Variants in NEK1 observed in about 807,000 individuals in gnomAD.
NEK1 encodes the protein serine/threonine-protein kinase Nek1.
A neutral mutation model predicts 182.1 loss-of-function variants in NEK1; 137 were observed. The ratio of observed to expected loss-of-function variants is 0.75; its 90% CI spans 0.65 to 0.87. The LOEUF is 0.87. NEK1 is among the 40% of genes least tolerant of loss of function. NEK1 has a pLI of 0.00. For missense variants in NEK1, 1,391 were observed against 1,494.4 expected (o/e 0.93, Z 1.14); for synonymous variants, 513 against 492.2 (o/e 1.04, Z -0.56).
chr4:169,556,049 G>C lies in NEK1; in HGVS notation c.1313C>G (p.Ser438Cys). The C allele has an allele frequency of 6.2e-7, 1 of 1,613,560 alleles. No individual in the cohort carries two copies. The highest frequency in any genetic ancestry group is 1.3e-5 in the African/African-American group (1 of 75,034). Residue 438 changes from serine to cysteine, a missense_variant, in exon 17 of 36, where the codon TCT becomes TGT. Ser to Cys is a moderately radical substitution (Grantham distance 112, BLOSUM62 -1). This residue lies in a region of NEK1 where 1,216 missense variants were observed against 1,277.6 expected (regional missense o/e 0.95). Transcript: ENST00000507142. ...GTAATGTTCATACTGTCCTCGAGAA[G>C]AAAAAGATGATGGAGCTATAGTCCC... ...SGGTIAPSSF[S>C]SRGQYEHYHA... is the part of the protein sequence containing the mutation.
chr4:169,402,937 T>A (rs1224883508), intron 32 of NEK1, among the ~76,000 whole-genome samples: 1 of 152,138 alleles, frequency 6.6e-6, no homozygotes. Context: ...CTAAAAGAGA[T>A]TATGTACCTA....
At chr4:169,394,991 G>A (rs1730450991) in intron 35 of NEK1, among the ~76,000 whole-genome samples, 1 of 152,118 alleles carries the variant, frequency 6.6e-6, no homozygotes, top group Non-Finnish European at 1.5e-5. Context: ...ACAATAAAAT[G>A]TTAAAGAATA....
At chr4:169,411,286 AT>A (rs869305455) in intron 31 of NEK1, among the ~76,000 whole-genome samples, 6,535 of 138,052 alleles carry the variant, frequency 0.047, 344 homozygotes, top group African/African-American at 0.14. Flanking sequence ...ATCTGACTCT[AT>A]TTTTTTTTTT....
chr4:169,584,569 G>T (rs1767213262), intron 10 of NEK1, among the ~76,000 whole-genome samples: 1 of 152,144 alleles, frequency 6.6e-6, no homozygotes, highest in Non-Finnish European at 1.5e-5. Flanking sequence ...CTATGATCAT[G>T]ATACTGCATT....
chr4:169,539,399 C>T (rs971429487), intron 18 of NEK1, among the ~76,000 whole-genome samples: 28 of 152,188 alleles, frequency 1.8e-4, no homozygotes, highest in African/African-American at 6.3e-4. Context: ...GGCAGATAAA[C>T]CTTCAAATGT....
chr4:169,425,719 T>C (rs1736275900), intron 30 of NEK1, among the ~76,000 whole-genome samples: 1 of 152,062 alleles, frequency 6.6e-6, no homozygotes, highest in Admixed American at 6.5e-5. Flanking sequence ...AGTAGCGCTA[T>C]GTTGTCCAGG....
At chr4:169,422,123 G>A (rs1440557321) in intron 31 of NEK1, among the ~76,000 whole-genome samples, 3 of 152,208 alleles carry the variant, frequency 2.0e-5, no homozygotes, top group Non-Finnish European at 4.4e-5. Flanking sequence ...AGAAAACGGT[G>A]CAGAGAATTT....
intron 18 of NEK1, among the ~76,000 whole-genome samples, chr4:169,539,431 T>G (rs75191311): frequency 6.6e-6 from 1 of 152,166 alleles, no homozygotes. Context: ...ATGAGATTAA[T>G]AAGGTATATC....
chr4:169,512,942 G>A (rs1039722311), intron 19 of NEK1, among the ~76,000 whole-genome samples: 1 of 152,030 alleles, frequency 6.6e-6, no homozygotes, highest in Non-Finnish European at 1.5e-5. Context: ...TCTCCATAGT[G>A]TTTCATTGAT....
chr4:169,553,743 T>C (rs1761755356), intron 18 of NEK1, among the ~76,000 whole-genome samples: 1 of 152,102 alleles, frequency 6.6e-6, no homozygotes, highest in Non-Finnish European at 1.5e-5. Flanking sequence ...ATGAAGCATA[T>C]GAAAAAATGT....
At chr4:169,505,360 C>G (rs7690821) in intron 23 of NEK1, among the ~76,000 whole-genome samples, 42,090 of 151,866 alleles carry the variant, frequency 0.28, 8,111 homozygotes, top group African/African-American at 0.55. Flanking sequence ...TGAAGATGAG[C>G]ATGAAGACCT....
At chr4:169,477,070 A>G in intron 26 of NEK1, 54 bp downstream of exon 26, 1 of 1,213,370 alleles carries the variant, frequency 8.2e-7, no homozygotes, top group African/African-American at 1.5e-5. Context: ...GTTAGTCTAT[A>G]AGTTTACATA....
chr4:169,470,901 A>T (rs1266561107), intron 26 of NEK1, among the ~76,000 whole-genome samples: 2 of 151,810 alleles, frequency 1.3e-5, no homozygotes, highest in African/African-American at 4.8e-5. Context: ...CCTTTATTCC[A>T]CTTGATTGAT....
At chr4:169,609,219 C>T (rs1321202698) in intron 2 of NEK1, among the ~76,000 whole-genome samples, 1 of 151,984 alleles carries the variant, frequency 6.6e-6, no homozygotes, top group East Asian at 1.9e-4. Context: ...TTGTACTGTA[C>T]TGTGGGGGAA....
intron 18 of NEK1, among the ~76,000 whole-genome samples, chr4:169,552,986 T>G (rs1761650170): frequency 6.6e-6 from 1 of 152,182 alleles, no homozygotes; most frequent in Non-Finnish European, 1.5e-5. Context: ...CGTCAAGATG[T>G]CAGTTCTTCC....
chr4:169,451,712 T>C (rs1352225132), intron 27 of NEK1, among the ~76,000 whole-genome samples: 1 of 151,946 alleles, frequency 6.6e-6, no homozygotes, highest in Non-Finnish European at 1.5e-5. Flanking sequence ...CACCCTAACA[T>C]CACAATTAAA....
At position 169,472,049 on chromosome 4, in the gene NEK1, C is replaced by A. The variant is rs924535719; in HGVS notation, c.2434+5075G>T. Among the ~76,000 whole-genome samples the A allele has an allele frequency of 5.3e-5, 8 of 152,200 alleles. No homozygotes were observed. The East Asian group carries it at 1.5e-3, about 29-fold the overall frequency. Reference sequence around the variant, plus strand: ...CCAGTGGATCTTAGCTTGTGGGGCTCCGTGGGGGTGGGATCCGCTGAGCAA... The same window carrying A: ...CCAGTGGATCTTAGCTTGTGGGGCTACGTGGGGGTGGGATCCGCTGAGCAA... On this transcript the variant is annotated intron_variant, in intron 26 of 35. Transcript: ENST00000507142.
At chr4:169,602,136 G>A (rs760003727) in intron 3 of NEK1, 32 bp from the exon 4 acceptor site, 10 of 1,475,442 alleles carry the variant, frequency 6.8e-6, no homozygotes, top group African/African-American at 1.4e-5. Flanking sequence ...AATAGTAAAT[G>A]AAACCATTAA....
intron 23 of NEK1, among the ~76,000 whole-genome samples, chr4:169,483,995 T>C (rs1748600075): frequency 6.6e-6 from 1 of 152,144 alleles, no homozygotes; most frequent in Non-Finnish European, 1.5e-5. Flanking sequence ...TACTATAGTA[T>C]ATAAATTCAA....
Sources: allele counts gnomAD v4.1 joint callset (sites outside exome capture counted in the v4.1 genomes callset), GRCh38; gene constraint gnomAD v4.1.1; regional missense constraint gnomAD v4.1.1; transcripts MANE v1.5; gene names NCBI Gene and HGNC (gene_info 2026-07-23, HGNC 2026-07-21).